The following MRAP2 variants were observed in gnomAD, a reference collection of about 807,000 sequenced individuals.
MRAP2 encodes melanocortin 2 receptor accessory protein 2.
Under a neutral mutation model 17.4 loss-of-function variants are expected in MRAP2, and 20 were observed. The observed-to-expected ratio is 1.15, with a 90% CI of 0.81 to 1.67. The LOEUF (loss-of-function observed/expected upper bound fraction) is 1.67, where lower values mean the gene tolerates loss of function less well. Ranked by LOEUF, MRAP2 falls within the 40% of genes most tolerant of loss-of-function variation. MRAP2 has a pLI of 0.00. For missense variants in MRAP2, 238 were observed against 240.0 expected (o/e 0.99, Z 0.05); for synonymous variants, 96 against 88.4 (o/e 1.09, Z -0.48).
chr6:84,126,861 C>T, the MRAP2 span, among the ~76,000 whole-genome samples: 1 of 152,108 alleles, frequency 6.6e-6, no homozygotes, highest in African/African-American at 2.4e-5. Flanking sequence ...TAAAAAAGTA[C>T]ATTTAAAGCA....
the MRAP2 span, chr6:84,125,258 G>C: frequency 1.2e-6 from 2 of 1,613,050 alleles, no homozygotes; most frequent in Non-Finnish European, 1.7e-6. Context: ...TCTACTACTT[G>C]GTGTGTTTGC....
At chr6:84,105,737 C>T in the MRAP2 span, among the ~76,000 whole-genome samples, 6 of 152,120 alleles carry the variant, frequency 3.9e-5, no homozygotes, top group Non-Finnish European at 8.8e-5. Flanking sequence ...TCATAACTTC[C>T]TTCTTGGTCT....
the MRAP2 span, among the ~76,000 whole-genome samples, chr6:84,142,376 ATCTG>A: frequency 3.3e-5 from 5 of 152,218 alleles, no homozygotes; most frequent in African/African-American, 7.2e-5. Flanking sequence ...TGATCTCTGC[ATCTG>A]TCTATGTTTA....
chr6:84,034,025 A>G (rs1048018727), intron 1 of MRAP2, 142 bp downstream of exon 1: 4 of 628,706 alleles, frequency 6.4e-6, no homozygotes, highest in African/African-American at 2.0e-5. Flanking sequence ...ATGGGGTGGG[A>G]GGAGGAGAAT....
At chr6:84,134,824 A>AAATT in the MRAP2 span, among the ~76,000 whole-genome samples, 4 of 151,822 alleles carry the variant, frequency 2.6e-5, no homozygotes, top group Non-Finnish European at 5.9e-5. Flanking sequence ...CACAGATTAA[A>AAATT]CTTTTGATAA....
chr6:84,120,887 C>T, the MRAP2 span, among the ~76,000 whole-genome samples: 1 of 152,020 alleles, frequency 6.6e-6, no homozygotes, highest in Non-Finnish European at 1.5e-5. Context: ...ACTTTTACTA[C>T]CCTCTAGGCA....
At chr6:84,122,173 C>CA in the MRAP2 span, among the ~76,000 whole-genome samples, 3 of 151,288 alleles carry the variant, frequency 2.0e-5, no homozygotes, top group African/African-American at 7.3e-5. Flanking sequence ...GAAACTATTC[C>CA]AAAAAAACTG....
At chr6:84,033,611 T>C, upstream of MRAP2, 1 of 903,942 alleles carries the variant, frequency 1.1e-6, no homozygotes, top group Non-Finnish European at 1.3e-6. Flanking sequence ...GAAAGGGATC[T>C]GCAAAGCTCA....
chr6:84,128,617 C>T, the MRAP2 span, among the ~76,000 whole-genome samples: 518 of 152,170 alleles, frequency 3.4e-3, 1 homozygote, highest in Non-Finnish European at 3.7e-3. Flanking sequence ...ATAGTAGTAA[C>T]TACTCTTTTG....
Position 84,052,836 on chromosome 6 carries a change from C to T in MRAP2, c.-7-2476C>T, listed in dbSNP as rs2099490781. The T allele has an allele frequency of 5.1e-6, 5 of 981,924 alleles. No individual in the cohort carries two copies. In the South Asian group the frequency reaches 1.9e-4, roughly 37 times the overall value. 60.8% of individuals were successfully genotyped at this position (981,924 alleles called of 1,614,324 possible). ...TCTCAGTGTTTGTCAGAGCTTTGCT[C>T]CTCTCTTCCCACCTTCAGGACTTTT... is the stretch of plus-strand genomic sequence containing the variant. On this transcript the variant is annotated intron_variant, in intron 1 of 3. Coordinates refer to ENST00000257776, the MANE Select transcript of MRAP2 (RefSeq NM_138409.4).
In MRAP2 at chr6:84,055,431, T is replaced by G; in HGVS notation, c.113T>G (p.Leu38Arg). The change falls in exon 2 of 4, where the codon CTG (leucine) becomes CGG (arginine). Residue 38 changes from leucine (L) to arginine (R), a missense_variant. Coordinates refer to ENST00000257776, the MANE Select transcript of MRAP2 (RefSeq NM_138409.4). ...ATTGGACCAGTTTCCTTTGAAGGAC[T>G]GAAGGCTCATAAATGTAAGTTTTAT... Reference protein sequence around the residue: ...YEIGPVSFEGLKAHKYSIVIG... With the variant: ...YEIGPVSFEGRKAHKYSIVIG... 4 of 1,612,558 alleles carry G rather than the reference T, an allele frequency of 2.5e-6. No homozygotes were observed. The highest frequency in any genetic ancestry group is 3.4e-6 in the Non-Finnish European group (4 of 1,179,502).
intron 3 of MRAP2, 106 bp downstream of exon 3, chr6:84,063,098 G>T (rs1196051626): frequency 1.9e-6 from 3 of 1,545,050 alleles, no homozygotes; most frequent in East Asian, 4.8e-5. Flanking sequence ...AAGAGAAGGG[G>T]GTGGTTATAG....
At chr6:84,092,674 T>G (rs2099501961), downstream of MRAP2, among the ~76,000 whole-genome samples, 1 of 152,160 alleles carries the variant, frequency 6.6e-6, no homozygotes, top group African/African-American at 2.4e-5. Context: ...GCCCCCTGTA[T>G]ACACCAAAAT....
chr6:84,076,184 T>C (rs1290503683), intron 3 of MRAP2, among the ~76,000 whole-genome samples: 2 of 151,748 alleles, frequency 1.3e-5, no homozygotes, highest in Non-Finnish European at 2.9e-5. Flanking sequence ...CACTTCAGCC[T>C]CCTGAGTAAC....
intron 3 of MRAP2, among the ~76,000 whole-genome samples, chr6:84,078,526 G>GC: frequency 6.6e-6 from 1 of 152,220 alleles, no homozygotes; most frequent in African/African-American, 2.4e-5. Flanking sequence ...TAGCTTGTTT[G>GC]CCCCCACCAA....
intron 1 of MRAP2, among the ~76,000 whole-genome samples, chr6:84,045,910 C>T (rs956093549): frequency 7.2e-5 from 11 of 152,314 alleles, no homozygotes; most frequent in Admixed American, 3.3e-4. Flanking sequence ...CTTGGTATTT[C>T]GTTAAGTTAC....
At chr6:84,109,131 C>T in the MRAP2 span, among the ~76,000 whole-genome samples, 4 of 152,072 alleles carry the variant, frequency 2.6e-5, no homozygotes, top group Non-Finnish European at 5.9e-5. Flanking sequence ...GTTCTTTTTG[C>T]TTAGGATTGT....
intron 1 of MRAP2, among the ~76,000 whole-genome samples, chr6:84,047,149 CTTA>C (rs1405857602): frequency 1.3e-5 from 2 of 151,698 alleles, no homozygotes; most frequent in South Asian, 2.1e-4. Flanking sequence ...GGAAGCACTG[CTTA>C]TTATTATTAT....
chr6:84,112,361 TTTC>T, the MRAP2 span, among the ~76,000 whole-genome samples: 1 of 152,218 alleles, frequency 6.6e-6, no homozygotes, highest in Non-Finnish European at 1.5e-5. Flanking sequence ...AAATTGTCCA[TTTC>T]TTCTTGATTT....
Sources: gnomAD v4.1 joint callset for allele counts (sites outside exome capture counted in the v4.1 genomes callset) on GRCh38, gnomAD v4.1.1 for gene constraint, MANE v1.5 for transcripts, NCBI Gene and HGNC (gene_info 2026-07-23, HGNC 2026-07-21) for gene names.